The following ZMIZ1 variants were observed in gnomAD, a reference collection of about 807,000 sequenced individuals.
ZMIZ1 encodes the protein zinc finger MIZ-type containing 1.
In ZMIZ1, 17 loss-of-function variants were observed where a neutral mutation model predicts 113.9. The observed-to-expected ratio is 0.15, with a 90% CI of 0.10 to 0.22. The LOEUF (loss-of-function observed/expected upper bound fraction) is 0.22, where lower values mean the gene tolerates loss of function less well. ZMIZ1 is among the 10% of genes least tolerant of loss of function. ZMIZ1 has a pLI of 1.00. For missense variants in ZMIZ1, 1,059 were observed against 1,477.8 expected (o/e 0.72, Z 4.65); for synonymous variants, 607 against 603.1 (o/e 1.01, Z -0.09).
Position 79,296,550 on chromosome 10 carries a change from C to G in ZMIZ1, c.1310C>G (p.Pro437Arg), listed in dbSNP as rs138149224. The change falls in exon 13 of 25, where the codon CCG becomes CGG. Residue 437 changes from proline to arginine, a missense_variant. Pro to Arg is a moderately radical substitution (Grantham distance 103, BLOSUM62 -2). Around this residue, in one of 6 missense-constraint regions of ZMIZ1, gnomAD observed 239 missense variants for 247.5 expected, o/e 0.97. Transcript: ENST00000334512. This position sits in a 1 kb window ranked among gnomAD's most constrained non-coding sequence, Gnocchi z 4.1. ...QPGQYPAPNP[P>R]RPLTSPNYPG... Reference sequence around the variant, plus strand: ...GGCCAGTACCCAGCCCCCAACCCCCCGAGGCCACTCACCTCCCCCAACTAC... The same window carrying G: ...GGCCAGTACCCAGCCCCCAACCCCCGGAGGCCACTCACCTCCCCCAACTAC... 2 of 1,613,480 alleles carry G rather than the reference C, an allele frequency of 1.2e-6. No homozygotes were observed. The highest frequency in any genetic ancestry group is 4.5e-5 in the East Asian group (2 of 44,854).
At chr10:79,182,381 G>A (rs950809680) in intron 4 of ZMIZ1, among the ~76,000 whole-genome samples, 12 of 151,716 alleles carry the variant, frequency 7.9e-5, no homozygotes, top group Admixed American at 1.3e-4. Flanking sequence ...CAGGAGTATC[G>A]ACTGGGTGAC....
chr10:79,275,941 G>A (rs1852260476), intron 7 of ZMIZ1, among the ~76,000 whole-genome samples: 1 of 152,244 alleles, frequency 6.6e-6, no homozygotes, highest in Non-Finnish European at 1.5e-5. Context: ...GGAGACCCTT[G>A]AAATGTGGAG....
rs1843922740 is a variant in ZMIZ1 at position 79,114,506 on chromosome 10, C to CGTGTGCGTGTGTGT, written c.-336-4404_-336-4403insCGTGTGTGTGTGTG. Among the ~76,000 whole-genome samples, 4 of 93,248 alleles carry CGTGTGCGTGTGTGT rather than the reference C, an allele frequency of 4.3e-5. No individual in the cohort carries two copies. In the South Asian group the frequency reaches 1.6e-3, roughly 38 times the overall value. 61.2% of individuals were successfully genotyped at this position (93,248 alleles called of 152,430 possible). A position where few individuals can be genotyped will look rare whatever the true frequency, so the allele number is the denominator to read the frequency against. On this transcript the variant is annotated intron_variant, in intron 1 of 24. Coordinates refer to ENST00000334512, the MANE Select transcript of ZMIZ1 (RefSeq NM_020338.4). ...GTGTGTGTGTGTGCGTGTGTGTGTG[C>CGTGTGCGTGTGTGT]GTGTGTGTGTGTGTGTGTGTGTGTG...
At chr10:79,238,719 C>G (rs1478090673) in intron 7 of ZMIZ1, among the ~76,000 whole-genome samples, 1 of 152,222 alleles carries the variant, frequency 6.6e-6, no homozygotes, top group Non-Finnish European at 1.5e-5. Context: ...TACTTTTGAA[C>G]TGGATTGCCA....
chr10:79,186,927 G>C (rs1847375104), intron 4 of ZMIZ1, among the ~76,000 whole-genome samples: 1 of 152,200 alleles, frequency 6.6e-6, no homozygotes, highest in Non-Finnish European at 1.5e-5. Context: ...CACTGCCCCT[G>C]CTGGAGGCCA....
intron 3 of ZMIZ1, among the ~76,000 whole-genome samples, chr10:79,140,760 G>A (rs533144629): frequency 2.5e-4 from 38 of 152,136 alleles, no homozygotes; most frequent in South Asian, 1.0e-3. Context: ...GGCCAGGCCC[G>A]CATTAAGGGC....
intron 5 of ZMIZ1, among the ~76,000 whole-genome samples, chr10:79,206,483 C>A (rs961081461): frequency 1.3e-5 from 2 of 152,212 alleles, no homozygotes; most frequent in African/African-American, 4.8e-5. Context: ...GCCTAGATAC[C>A]ACCTGTGGCC....
chr10:79,191,912 T>C (rs1189855971), intron 4 of ZMIZ1, among the ~76,000 whole-genome samples: 1 of 152,212 alleles, frequency 6.6e-6, no homozygotes, highest in South Asian at 2.1e-4. Flanking sequence ...TTAACTGATG[T>C]GACATAGAGA....
At chr10:79,146,353 G>A (rs369080919) in intron 3 of ZMIZ1, among the ~76,000 whole-genome samples, 14 of 152,266 alleles carry the variant, frequency 9.2e-5, no homozygotes, top group African/African-American at 2.6e-4. Flanking sequence ...ACTCTGGCCC[G>A]CAGACCTTTC....
intron 1 of ZMIZ1, among the ~76,000 whole-genome samples, chr10:79,094,024 C>T (rs895914833): frequency 1.2e-4 from 19 of 152,218 alleles, no homozygotes; most frequent in Non-Finnish European, 2.5e-4. Context: ...TATAAATAAA[C>T]AGTCGACCGA....
intron 1 of ZMIZ1, among the ~76,000 whole-genome samples, chr10:79,087,481 C>T (rs963967547): frequency 6.6e-6 from 1 of 152,160 alleles, no homozygotes; most frequent in Non-Finnish European, 1.5e-5. Flanking sequence ...CTTTGGACTC[C>T]ACCTTCTGGA....
At chr10:79,253,064 G>A (rs1850649853) in intron 7 of ZMIZ1, among the ~76,000 whole-genome samples, 3 of 152,190 alleles carry the variant, frequency 2.0e-5, no homozygotes, top group Non-Finnish European at 4.4e-5. Flanking sequence ...AAAAGTCCCA[G>A]AATTAAGATG....
chr10:79,155,912 G>A (rs926246804), intron 3 of ZMIZ1, among the ~76,000 whole-genome samples: 3 of 152,220 alleles, frequency 2.0e-5, no homozygotes, highest in Non-Finnish European at 2.9e-5. Context: ...CTTCCAGGCC[G>A]AGCTGGGCTG....
intron 4 of ZMIZ1, among the ~76,000 whole-genome samples, chr10:79,162,361 C>G (rs1202225233): frequency 6.6e-6 from 1 of 152,194 alleles, no homozygotes; most frequent in Admixed American, 6.5e-5. Flanking sequence ...AGAGCAGCTG[C>G]TAGGGGTGGG....
In ZMIZ1 at chr10:79,299,211, C is replaced by A; in HGVS notation, c.1808+20C>A. ...GTGGAGGTGCGTGTCAGGGCAGGGGCGCCAGCCCAGGCGGGATGAAGGAGG... is the reference window on the plus strand; with the variant it reads ...GTGGAGGTGCGTGTCAGGGCAGGGGAGCCAGCCCAGGCGGGATGAAGGAGG... On this transcript the variant is annotated intron_variant, in intron 16 of 24. Coordinates refer to ENST00000334512, the MANE Select transcript of ZMIZ1 (RefSeq NM_020338.4). 1 of 1,593,188 alleles carries A rather than the reference C, an allele frequency of 6.3e-7. No homozygotes were observed.
intron 5 of ZMIZ1, among the ~76,000 whole-genome samples, chr10:79,206,901 C>T (rs1367104398): frequency 1.3e-5 from 2 of 152,226 alleles, no homozygotes; most frequent in Non-Finnish European, 2.9e-5. Flanking sequence ...ATTTCACTTT[C>T]CTCCACCCAT....
Position 79,312,872 on chromosome 10 carries a change from G to A in ZMIZ1, c.*123G>A, listed in dbSNP as rs543250217. On this transcript the variant is annotated 3_prime_UTR_variant, in exon 25 of 25. Coordinates refer to ENST00000334512, the MANE Select transcript of ZMIZ1 (RefSeq NM_020338.4). ...GCACCAGAGCCACGGGCTGTGGGGC[G>A]GGGAGCCCTCCCCCGCTGCAGCCCT... 8.7e-5 allele frequency: 75 copies of A among 864,868 alleles called. No individual in the cohort carries two copies. Among genetic ancestry groups the A allele is most frequent in the Non-Finnish European group, 1.1e-4 (63 of 556,766 alleles). The allele number at this position is 864,868 out of a possible 1,614,324, so 53.6% of individuals were successfully genotyped here.
In ZMIZ1 at chr10:79,307,472, T is replaced by C; in HGVS notation, c.2736T>C (p.Asn912=). The C allele has an allele frequency of 1.9e-6, 3 of 1,610,914 alleles. No homozygotes were observed. The highest frequency in any genetic ancestry group is 2.5e-6 in the Non-Finnish European group (3 of 1,178,516). The change falls in exon 23 of 25, where the codon AAT becomes AAC. Residue 912 remains asparagine (N), a synonymous_variant. Coordinates refer to ENST00000334512, the MANE Select transcript of ZMIZ1 (RefSeq NM_020338.4). ...GGAACCCTGGAGGGACATCCATGAA[T>C]GACTTCATGCACGGGCCCCCCCAGC... ...PHGNPGGTSM[N]DFMHGPPQLS...
At chr10:79,195,290 C>T (rs1847787117) in intron 4 of ZMIZ1, among the ~76,000 whole-genome samples, 1 of 152,258 alleles carries the variant, frequency 6.6e-6, no homozygotes, top group Non-Finnish European at 1.5e-5. Flanking sequence ...CCTATTCACT[C>T]AGCAAAGCAG....
Sources: allele counts gnomAD v4.1 joint callset (sites outside exome capture counted in the v4.1 genomes callset), GRCh38; gene constraint gnomAD v4.1.1; regional missense constraint gnomAD v4.1.1; non-coding constraint Gnocchi (gnomAD v3.1); transcripts MANE v1.5; gene names NCBI Gene and HGNC (gene_info 2026-07-23, HGNC 2026-07-21).